CC2D2A: variants seen among roughly 807,000 people sequenced by gnomAD.
The protein encoded by CC2D2A is coiled-coil and C2 domain-containing protein 2A.
A neutral mutation model predicts 212.9 loss-of-function variants in CC2D2A; 155 were observed. The ratio of observed to expected loss-of-function variants is 0.73; its 90% CI spans 0.64 to 0.83. CC2D2A has a LOEUF of 0.83. CC2D2A is among the 40% of genes least tolerant of loss of function. The probability of loss-of-function intolerance (pLI) is 0.00; values close to 1 mark genes in which losing one functional copy is unlikely to be tolerated. For synonymous variants in CC2D2A, 667 were observed against 686.5 expected, an observed-to-expected ratio of 0.97 and a Z score of 0.44; for missense variants, 1,856 against 1,956.2, an observed-to-expected ratio of 0.95 and a Z score of 0.97.
In CC2D2A at chr4:15,555,104, T is replaced by G. The variant is rs373111926; in HGVS notation, c.2519T>G (p.Ile840Ser). 1 of 1,613,420 alleles carries G rather than the reference T, an allele frequency of 6.2e-7. No individual in the cohort carries two copies. Among genetic ancestry groups the G allele is most frequent in the Non-Finnish European group, 8.5e-7 (1 of 1,179,708 alleles). ...AAGAAAGCAGATGCCATCTCATCTA[T>G]TGGCACATCAGGACTGACAGACATG... Reference protein sequence around the residue: ...ALKKADAISSIGTSGLTDMKK... With the variant: ...ALKKADAISSSGTSGLTDMKK... The change falls in exon 20 of 37, where the codon ATT becomes AGT. Residue 840 changes from isoleucine to serine, a missense_variant. Transcript: ENST00000424120.
intron 36 of CC2D2A, among the ~76,000 whole-genome samples, chr4:15,600,184 C>T (rs186822776): frequency 2.6e-5 from 4 of 152,152 alleles, no homozygotes; most frequent in Admixed American, 1.3e-4. Flanking sequence ...TAACAGTAAG[C>T]CTTACTAGCT....
intron 14 of CC2D2A, among the ~76,000 whole-genome samples, chr4:15,536,653 G>T (rs13133069): frequency 6.6e-6 from 1 of 152,112 alleles, no homozygotes; most frequent in Non-Finnish European, 1.5e-5. Context: ...TGGCTGCTCA[G>T]TGTTCAGTGG....
Position 15,518,445 on chromosome 4 carries a change from T to C in CC2D2A, c.1149+1689T>C, listed in dbSNP as rs1442128687. The stretch of plus-strand genomic sequence containing the variant: ...GAGCTGGTGTTGAGTGTCTGCAGCT[T>C]TTCCAGGTACACAGTGCAAGCTGTC... On this transcript the variant is annotated intron_variant, in intron 11 of 36. Transcript: ENST00000424120. Among the ~76,000 whole-genome samples, 4 of 152,282 alleles carry C rather than the reference T, an allele frequency of 2.6e-5. No homozygotes were observed. In the South Asian group the frequency reaches 8.3e-4, roughly 32 times the overall value.
chr4:15,581,332 T>C (rs1330704922), intron 30 of CC2D2A, among the ~76,000 whole-genome samples: 1 of 152,202 alleles, frequency 6.6e-6, no homozygotes, highest in Non-Finnish European at 1.5e-5. Flanking sequence ...TTAAGAGTGA[T>C]GAATAAAATA....
intron 23 of CC2D2A, 148 bp downstream of exon 23, chr4:15,560,770 T>C: frequency 2.0e-6 from 1 of 491,636 alleles, no homozygotes; most frequent in East Asian, 3.9e-5. Flanking sequence ...GGTTAATACC[T>C]GATGATGACA....
intron 32 of CC2D2A, among the ~76,000 whole-genome samples, chr4:15,589,208 C>T (rs1350070631): frequency 6.6e-6 from 1 of 152,076 alleles, no homozygotes; most frequent in Non-Finnish European, 1.5e-5. Context: ...ACTTAAATGG[C>T]AGTCTTACTG....
intron 4 of CC2D2A, among the ~76,000 whole-genome samples, chr4:15,483,049 C>T (rs547290080): frequency 1.3e-5 from 2 of 152,106 alleles, no homozygotes; most frequent in South Asian, 2.1e-4. Flanking sequence ...TAAACCAAGA[C>T]GAAGAGAAAA....
chr4:15,590,060 G>A (rs960579783), intron 33 of CC2D2A, among the ~76,000 whole-genome samples: 1 of 152,148 alleles, frequency 6.6e-6, no homozygotes, highest in Non-Finnish European at 1.5e-5. Flanking sequence ...TTTGTCACCT[G>A]AACAGATTGG....
intron 4 of CC2D2A, among the ~76,000 whole-genome samples, chr4:15,496,052 C>A (rs974095938): frequency 6.6e-6 from 1 of 152,112 alleles, no homozygotes; most frequent in Non-Finnish European, 1.5e-5. Context: ...ATTATCTGTT[C>A]AAGTTCTTTG....
At chr4:15,527,051 G>C (rs1040251760) in intron 11 of CC2D2A, among the ~76,000 whole-genome samples, 1 of 152,106 alleles carries the variant, frequency 6.6e-6, no homozygotes, top group Admixed American at 6.5e-5. Context: ...GTATGTCCAG[G>C]ATCCAAATAA....
At chr4:15,508,730 G>T (rs1053116884) in intron 6 of CC2D2A, among the ~76,000 whole-genome samples, 14 of 152,204 alleles carry the variant, frequency 9.2e-5, no homozygotes, top group Admixed American at 9.2e-4. Flanking sequence ...TAGGACTTGG[G>T]AAGGATATAT....
chr4:15,505,108 G>A (rs1001507167), intron 6 of CC2D2A, among the ~76,000 whole-genome samples: 9 of 152,210 alleles, frequency 5.9e-5, no homozygotes, highest in South Asian at 2.1e-4. Flanking sequence ...ACATAGTACC[G>A]GGCACATGGT....
chr4:15,527,665 G>A lies in CC2D2A; in HGVS notation c.1359+9G>A, dbSNP rs369964702. Reference sequence around the variant, plus strand: ...AATTTCTTACTGATAAGGTACATGTGATTTCTTCCATAATGATTGTCAATG... The same window carrying A: ...AATTTCTTACTGATAAGGTACATGTAATTTCTTCCATAATGATTGTCAATG... On this transcript the variant is annotated intron_variant, in intron 12 of 36. Coordinates refer to ENST00000424120, the MANE Select transcript of CC2D2A (RefSeq NM_001378615.1). The A allele has an allele frequency of 1.3e-6, 2 of 1,583,676 alleles. No individual in the cohort carries two copies. The highest frequency in any genetic ancestry group is 3.6e-5 in the Admixed American group (2 of 56,060).
chr4:15,548,730 TAGA>T (rs1002216880), intron 17 of CC2D2A, among the ~76,000 whole-genome samples: 1 of 152,210 alleles, frequency 6.6e-6, no homozygotes, highest in Non-Finnish European at 1.5e-5. Flanking sequence ...CTTTAAGCTG[TAGA>T]AGATTATAGA....
At position 15,569,354 on chromosome 4, in the gene CC2D2A, A is replaced by C. The variant is rs1720051717; in HGVS notation, c.3460A>C (p.Asn1154His). ...GTCAGTGAAAGATGTTGTGTTCATT[A>C]ACATTTTTGATGAAGTACTGCATGA... ...LQSVKDVVFINIFDEVLHDVL... is the reference protein window; with the variant it reads ...LQSVKDVVFIHIFDEVLHDVL... Residue 1154 changes from asparagine (N) to histidine (H), a missense_variant, in exon 27 of 37, where the codon AAC becomes CAC. Around this residue, in one of 5 missense-constraint regions of CC2D2A, gnomAD observed 1,512 missense variants for 1,579.3 expected, o/e 0.96. Coordinates refer to ENST00000424120, the MANE Select transcript of CC2D2A (RefSeq NM_001378615.1). 6.3e-7 allele frequency: 1 copy of C among 1,579,716 alleles called. No homozygotes were observed. Among genetic ancestry groups the C allele is most frequent in the East Asian group, 2.3e-5 (1 of 43,784 alleles).
At chr4:15,509,575 A>G (rs1247803188) in intron 6 of CC2D2A, among the ~76,000 whole-genome samples, 1 of 152,132 alleles carries the variant, frequency 6.6e-6, no homozygotes, top group Non-Finnish European at 1.5e-5. Flanking sequence ...CATCTGGACA[A>G]CAGTTTTCAT....
chr4:15,509,214 A>G (rs1716423637), intron 6 of CC2D2A, among the ~76,000 whole-genome samples: 1 of 152,040 alleles, frequency 6.6e-6, no homozygotes, highest in Admixed American at 6.5e-5. Flanking sequence ...GTTTTTCTTT[A>G]TAGACTGTTT....
At chr4:15,489,839 G>A (rs1441639992) in intron 4 of CC2D2A, among the ~76,000 whole-genome samples, 2 of 152,092 alleles carry the variant, frequency 1.3e-5, no homozygotes, top group Non-Finnish European at 2.9e-5. Flanking sequence ...TTTGTACTTG[G>A]CTTCCAGGAC....
intron 10 of CC2D2A, 49 bp downstream of exon 10, chr4:15,516,053 T>C (rs769358885): frequency 1.4e-6 from 2 of 1,466,314 alleles, no homozygotes; most frequent in Non-Finnish European, 1.8e-6. Flanking sequence ...ACACTAGACA[T>C]AGCTTTTATT....
Sources: allele counts gnomAD v4.1 joint callset (sites outside exome capture counted in the v4.1 genomes callset), GRCh38; gene constraint gnomAD v4.1.1; regional missense constraint gnomAD v4.1.1; transcripts MANE v1.5; gene names NCBI Gene and HGNC (gene_info 2026-07-23, HGNC 2026-07-21).